ACTG2: variants seen among roughly 807,000 people sequenced by gnomAD.
The protein encoded by ACTG2 is actin, gamma-enteric smooth muscle.
ACTG2 carries 16 observed loss-of-function variants against 37.6 expected under a neutral mutation model. That is an observed-to-expected ratio of 0.43 (90% CI 0.29 to 0.65). The LOEUF (loss-of-function observed/expected upper bound fraction) is 0.65. ACTG2 is among the 30% of genes least tolerant of loss of function. ACTG2 has a pLI of 0.18. For missense variants in ACTG2, 238 were observed against 490.9 expected, an observed-to-expected ratio of 0.48 and a Z score of 4.87; for synonymous variants, 181 against 179.9, an observed-to-expected ratio of 1.01 and a Z score of -0.05.
At chr2:73,901,238 A>C in intron 1 of ACTG2, 38 bp from the exon 2 acceptor site, 1 of 1,440,130 alleles carries the variant, frequency 6.9e-7, no homozygotes, top group South Asian at 1.4e-5. Context: ...CTGATTTGAC[A>C]AGTGGCTGAC....
chr2:73,916,809 G>T (rs1389509901), intron 8 of ACTG2, 44 bp downstream of exon 8: 2 of 1,588,068 alleles, frequency 1.3e-6, no homozygotes, highest in South Asian at 2.3e-5. Context: ...TTTGTATAAA[G>T]TCTTGCCTAC....
chr2:73,916,048 A>G (rs1313968742), intron 7 of ACTG2, among the ~76,000 whole-genome samples: 1 of 152,230 alleles, frequency 6.6e-6, no homozygotes. Flanking sequence ...ATGATATAAC[A>G]AAAGTGTTCC....
chr2:73,914,000 T>C (rs1180748769), intron 6 of ACTG2, among the ~76,000 whole-genome samples: 1 of 152,180 alleles, frequency 6.6e-6, no homozygotes, highest in Non-Finnish European at 1.5e-5. Context: ...GAAGGTGTCA[T>C]GTGGCCCACC....
At position 73,909,039 on chromosome 2, in the gene ACTG2, T is replaced by G. The variant is rs1680073847; in HGVS notation, c.367-16T>G. 6.2e-7 allele frequency: 1 copy of G among 1,612,398 alleles called. No homozygotes were observed. The highest frequency in any genetic ancestry group is 1.3e-5 in the African/African-American group (1 of 74,888). On this transcript the variant is annotated splice_polypyrimidine_tract_variant and intron_variant, in intron 4 of 8. Transcript: ENST00000345517. ...ATTTTTGCCAAATAATCTTTTATTC[T>G]TCATTGTCCTTTAAGATCATGTTTG... is the stretch of plus-strand genomic sequence containing the variant.
rs578068768 is a variant in ACTG2 at position 73,913,470 on chromosome 2, C to T, written c.452-15C>T. ...AGAATGAGAATTTTATAAGCCTGAT[C>T]CTCTCTGTCCACAGGCATCGTCCTG... On this transcript the variant is annotated splice_polypyrimidine_tract_variant and intron_variant, in intron 5 of 8. Transcript: ENST00000345517. 1 of 1,576,598 alleles carries T rather than the reference C, an allele frequency of 6.3e-7. No homozygotes were observed. The highest frequency in any genetic ancestry group is 1.3e-5 in the African/African-American group (1 of 74,100).
At chr2:73,909,238 G>A in intron 5 of ACTG2, 99 bp downstream of exon 5, 1 of 1,129,814 alleles carries the variant, frequency 8.9e-7, no homozygotes, top group Non-Finnish European at 1.3e-6. Flanking sequence ...CAAATGGACA[G>A]CTGAAGTCCA....
intron 7 of ACTG2, 52 bp downstream of exon 7, chr2:73,914,923 G>A (rs1012719962): frequency 7.0e-7 from 1 of 1,434,836 alleles, no homozygotes; most frequent in Admixed American, 2.3e-5. Flanking sequence ...GGGTGGAGGA[G>A]TGGGTGAGGT....
rs1423092820 is a variant in ACTG2, at chr2:73,914,668, T to C, written c.614-12T>C. ...CTCAGTATTCACCTTCTGTCATTTC[T>C]GCTCCTTCCAGCTGAGAGAGAAATT... On this transcript the variant is annotated splice_polypyrimidine_tract_variant and intron_variant, in intron 6 of 8. Transcript: ENST00000345517. The C allele has an allele frequency of 1.9e-6, 3 of 1,552,004 alleles. No homozygotes were observed. In the African/African-American group the frequency reaches 4.1e-5, roughly 21 times the overall value.
At chr2:73,898,921 G>A (rs1434688823) in intron 1 of ACTG2, among the ~76,000 whole-genome samples, 1 of 149,400 alleles carries the variant, frequency 6.7e-6, no homozygotes, top group Non-Finnish European at 1.5e-5. Context: ...TCCTGCCTCA[G>A]CCTCCCGAGT....
At chr2:73,915,216 A>G (rs1680232121) in intron 7 of ACTG2, among the ~76,000 whole-genome samples, 1 of 142,106 alleles carries the variant, frequency 7.0e-6, no homozygotes. Context: ...ATCATATTGC[A>G]TGGATAAAAG....
At chr2:73,910,390 C>T (rs1573470210) in intron 5 of ACTG2, among the ~76,000 whole-genome samples, 3 of 66,866 alleles carry the variant, frequency 4.5e-5, no homozygotes, top group South Asian at 1.1e-3. Flanking sequence ...TTTTTTGAGA[C>T]GGAGCCTTGC....
intron 3 of ACTG2, among the ~76,000 whole-genome samples, chr2:73,903,715 G>A (rs921894236): frequency 1.4e-4 from 21 of 152,240 alleles, no homozygotes; most frequent in African/African-American, 3.4e-4. Flanking sequence ...ACCGAGGCGG[G>A]TGGATCACAA....
intron 1 of ACTG2, among the ~76,000 whole-genome samples, chr2:73,898,546 A>G (rs545032317): frequency 6.6e-6 from 1 of 150,766 alleles, no homozygotes; most frequent in South Asian, 2.1e-4. Context: ...TTTCACAAAG[A>G]TAGATTCGTA....
At chr2:73,908,880 C>G in intron 4 of ACTG2, 97 bp downstream of exon 4, 2 of 1,250,458 alleles carry the variant, frequency 1.6e-6, no homozygotes, top group Non-Finnish European at 2.3e-6. Context: ...CAACAGAACT[C>G]TCTGAGGACC....
intron 7 of ACTG2, among the ~76,000 whole-genome samples, chr2:73,915,972 T>C (rs1051982354): frequency 1.3e-5 from 2 of 152,200 alleles, no homozygotes; most frequent in Non-Finnish European, 2.9e-5. Flanking sequence ...ATTTTGGTGA[T>C]GTTTGCTTCT....
chr2:73,915,524 A>AT (rs1350647042), intron 7 of ACTG2, among the ~76,000 whole-genome samples: 2 of 151,496 alleles, frequency 1.3e-5, no homozygotes, highest in Non-Finnish European at 3.0e-5. Context: ...TGTCTCAAAA[A>AT]AAAAAAAAAA....
At chr2:73,906,593 G>A (rs1019344641) in intron 3 of ACTG2, among the ~76,000 whole-genome samples, 1 of 152,074 alleles carries the variant, frequency 6.6e-6, no homozygotes, top group Non-Finnish European at 1.5e-5. Flanking sequence ...GAATCCTCTT[G>A]CCTCTGTCTC....
At chr2:73,908,191 G>A in intron 3 of ACTG2, 1 of 449,384 alleles carries the variant, frequency 2.2e-6, no homozygotes, top group South Asian at 1.6e-5. Context: ...GAGAGCTTGA[G>A]CTCTGAAAGA....
At chr2:73,914,512 T>G (rs1480502541) in intron 6 of ACTG2, among the ~76,000 whole-genome samples, 168 bp from the exon 7 acceptor site, 2 of 141,980 alleles carry the variant, frequency 1.4e-5, no homozygotes, top group Non-Finnish European at 3.0e-5. Flanking sequence ...TGAGCCAAGA[T>G]AGCACCACTG....
Sources: allele counts gnomAD v4.1 joint callset (sites outside exome capture counted in the v4.1 genomes callset), GRCh38; gene constraint gnomAD v4.1.1; transcripts MANE v1.5; gene names NCBI Gene and HGNC (gene_info 2026-07-23, HGNC 2026-07-21).